The following NTRK2 variants were observed in gnomAD, a reference collection of about 807,000 sequenced individuals.
NTRK2 encodes neurotrophic receptor tyrosine kinase 2.
A neutral mutation model predicts 94.5 loss-of-function variants in NTRK2; 13 were observed. The observed-to-expected ratio is 0.14, with a 90% confidence interval of 0.09 to 0.22. The LOEUF (loss-of-function observed/expected upper bound fraction) is 0.22. NTRK2 is among the 10% of genes least tolerant of loss of function. The pLI is 1.00. For synonymous variants in NTRK2, 372 were observed against 407.4 expected (o/e 0.91, Z 1.05); for missense variants, 639 against 1,071.2 (o/e 0.60, Z 5.63).
intron 17 of NTRK2, among the ~76,000 whole-genome samples, chr9:85,017,784 C>T (rs1352633914): frequency 1.3e-5 from 2 of 152,086 alleles, no homozygotes; most frequent in East Asian, 3.9e-4. Context: ...TTTAAGATTC[C>T]TACTTCTCTA....
intron 5 of NTRK2, 55 bp downstream of exon 5, chr9:84,707,967 T>G: frequency 7.1e-7 from 1 of 1,414,034 alleles, no homozygotes; most frequent in Non-Finnish European, 1.0e-6. Context: ...GAAGGGGTAA[T>G]TAAGTATTTT....
intron 17 of NTRK2, among the ~76,000 whole-genome samples, chr9:84,973,466 A>G (rs765687264): frequency 6.6e-6 from 1 of 152,236 alleles, no homozygotes; most frequent in Non-Finnish European, 1.5e-5. Context: ...GAACAGGAAT[A>G]TGGCAGCCTG....
rs1044962037 is a variant in NTRK2, at chr9:84,775,581, T to C, written c.1396+23496T>C. On this transcript the variant is annotated intron_variant, in intron 12 of 18. Coordinates refer to ENST00000277120, the MANE Select transcript of NTRK2 (RefSeq NM_006180.6). ...CTTTGAATAGAATGTGTATATAATT[T>C]GGAATCAAGACAAATTTATAATCAA... 1.8e-4 allele frequency among the ~76,000 whole-genome samples: 28 copies of C among 152,214 alleles called. 1 individual carries two copies.
chr9:84,752,402 A>G (rs2064710509), intron 12 of NTRK2, among the ~76,000 whole-genome samples: 1 of 152,212 alleles, frequency 6.6e-6, no homozygotes, highest in African/African-American at 2.4e-5. Flanking sequence ...GGTGAGACAC[A>G]GTGGGGATAG....
chr9:84,898,143 T>C (rs540605929), intron 14 of NTRK2, among the ~76,000 whole-genome samples: 2 of 151,646 alleles, frequency 1.3e-5, no homozygotes, highest in Non-Finnish European at 2.9e-5. Flanking sequence ...TTTTGGGAAA[T>C]GATTGTAGCT....
intron 2 of NTRK2, among the ~76,000 whole-genome samples, chr9:84,687,293 G>T (rs2131489289): frequency 6.6e-6 from 1 of 152,284 alleles, no homozygotes; most frequent in East Asian, 1.9e-4. Flanking sequence ...TGAGTCATTG[G>T]CTCTCACGAT....
At chr9:84,902,515 T>C (rs1262771818) in intron 14 of NTRK2, among the ~76,000 whole-genome samples, 1 of 152,212 alleles carries the variant, frequency 6.6e-6, no homozygotes, top group Admixed American at 6.5e-5. Context: ...GGAGAAATCT[T>C]CATTTTTGTA....
intron 12 of NTRK2, among the ~76,000 whole-genome samples, chr9:84,752,775 T>C (rs1434218265): frequency 2.0e-5 from 3 of 152,216 alleles, no homozygotes; most frequent in African/African-American, 4.8e-5. Context: ...AGTGATTTAA[T>C]GATTTAAAAC....
intron 15 of NTRK2, among the ~76,000 whole-genome samples, chr9:84,936,739 T>G (rs1248998325): frequency 6.6e-6 from 1 of 152,226 alleles, no homozygotes; most frequent in African/African-American, 2.4e-5. Context: ...TTGTTGAAAT[T>G]CAAATGAAAC....
chr9:84,961,109 A>T (rs1052550283), intron 17 of NTRK2, among the ~76,000 whole-genome samples: 1 of 152,214 alleles, frequency 6.6e-6, no homozygotes, highest in African/African-American at 2.4e-5. Flanking sequence ...ACTTACTTCT[A>T]TTGATTACCA....
intron 17 of NTRK2, among the ~76,000 whole-genome samples, chr9:84,962,789 A>G (rs1825110250): frequency 6.6e-6 from 1 of 152,210 alleles, no homozygotes; most frequent in Non-Finnish European, 1.5e-5. Flanking sequence ...CTGGCAACAA[A>G]GAGTTAGCTG....
At chr9:84,889,211 C>A (rs531688856) in intron 14 of NTRK2, among the ~76,000 whole-genome samples, 16 of 149,276 alleles carry the variant, frequency 1.1e-4, no homozygotes, top group African/African-American at 3.7e-4. Flanking sequence ...AGGATGGTCT[C>A]GATCTCCTGA....
intron 11 of NTRK2, among the ~76,000 whole-genome samples, chr9:84,747,435 CA>C (rs2064180258): frequency 2.7e-5 from 4 of 150,392 alleles, no homozygotes; most frequent in Admixed American, 2.7e-4. Context: ...GTATTAAGCC[CA>C]ATTACACAAA....
At chr9:84,990,840 A>G (rs1828964944) in intron 17 of NTRK2, among the ~76,000 whole-genome samples, 2 of 152,228 alleles carry the variant, frequency 1.3e-5, no homozygotes, top group African/African-American at 4.8e-5. Flanking sequence ...AGGGGAATGA[A>G]TGGAAGTGTT....
At chr9:84,885,971 C>T (rs1444044066) in intron 14 of NTRK2, among the ~76,000 whole-genome samples, 1 of 151,726 alleles carries the variant, frequency 6.6e-6, no homozygotes, top group East Asian at 1.9e-4. Context: ...GCAGAGGTTG[C>T]AGTGAGCTGA....
At chr9:84,805,088 C>T (rs1483980915) in intron 12 of NTRK2, among the ~76,000 whole-genome samples, 1 of 152,188 alleles carries the variant, frequency 6.6e-6, no homozygotes, top group Non-Finnish European at 1.5e-5. Context: ...TTGTTGAGTC[C>T]TCGGACACTT....
intron 12 of NTRK2, among the ~76,000 whole-genome samples, chr9:84,778,269 C>T (rs978331970): frequency 3.3e-5 from 5 of 152,046 alleles, no homozygotes; most frequent in Non-Finnish European, 7.4e-5. Flanking sequence ...TCTAAATAAA[C>T]AAAAACAAAA....
chr9:84,692,451 CT>C (rs909587421), intron 2 of NTRK2, among the ~76,000 whole-genome samples: 3 of 133,226 alleles, frequency 2.3e-5, no homozygotes, highest in South Asian at 2.5e-4. Context: ...CTTTTCTTTT[CT>C]TTTTTTTCTT....
chr9:84,875,898 G>C, intron 14 of NTRK2: 1 of 1,038,866 alleles, frequency 9.6e-7, no homozygotes, highest in Non-Finnish European at 1.2e-6. Context: ...AAGTTTAAGA[G>C]ATTATAAAAA....
Sources: gnomAD v4.1 joint callset for allele counts (sites outside exome capture counted in the v4.1 genomes callset) on GRCh38, gnomAD v4.1.1 for gene constraint, MANE v1.5 for transcripts, NCBI Gene and HGNC (gene_info 2026-07-23, HGNC 2026-07-21) for gene names.